TMEM11: variants seen among roughly 807,000 people sequenced by gnomAD.
The protein encoded by TMEM11 is transmembrane protein 11, mitochondrial.
TMEM11 carries 1 observed loss-of-function variant against 17.0 expected under a neutral mutation model. The ratio of observed to expected loss-of-function variants is 0.06; its 90% CI spans 0.02 to 0.28. The LOEUF (loss-of-function observed/expected upper bound fraction) is 0.28. Among genes scored for constraint, TMEM11 ranks in the 10% least tolerant of loss-of-function variants. TMEM11 has a pLI of 1.00. For synonymous variants in TMEM11, 122 were observed against 118.1 expected (o/e 1.03, Z -0.21); for missense variants, 172 against 252.9 (o/e 0.68, Z 2.17).
Position 21,197,960 on chromosome 17 carries a change from T to G in TMEM11, c.*364A>C. ...AAAGAGAGAACAGCGGGAGTTGAAA[T>G]TCTCATAATTTTAATGATCAATAGC... is the stretch of plus-strand genomic sequence containing the variant. On this transcript the variant is annotated 3_prime_UTR_variant, in exon 2 of 2. Coordinates refer to ENST00000317635, the MANE Select transcript of TMEM11 (RefSeq NM_003876.3). The G allele has an allele frequency of 1.2e-5, 2 of 169,178 alleles. No individual in the cohort carries two copies. Among genetic ancestry groups the G allele is most frequent in the Non-Finnish European group, 2.5e-5 (2 of 80,028 alleles). The allele number at this position is 169,178 out of a possible 1,614,324, so 10.5% of individuals were successfully genotyped here. A position where few individuals can be genotyped will look rare whatever the true frequency, so the allele number is the denominator to read the frequency against.
chr17:21,208,934 G>A (rs1597772886), intron 1 of TMEM11, among the ~76,000 whole-genome samples: 1 of 152,340 alleles, frequency 6.6e-6, no homozygotes, highest in South Asian at 2.1e-4. Context: ...TTCACTTAGT[G>A]AAAGGGTCAC....
chr17:21,198,075 C>A lies in TMEM11; in HGVS notation c.*249G>T. 1 of 499,862 alleles carries A rather than the reference C, an allele frequency of 2.0e-6. No individual in the cohort carries two copies. Among genetic ancestry groups the A allele is most frequent in the South Asian group, 3.2e-5 (1 of 31,238 alleles). The allele number at this position is 499,862 out of a possible 1,614,324, so 31.0% of individuals were successfully genotyped here. On this transcript the variant is annotated 3_prime_UTR_variant, in exon 2 of 2. Transcript: ENST00000317635. The surrounding 1 kb of genome is among the most constrained non-coding windows in gnomAD (Gnocchi z 6.5). ...ACACCCCCTCGGCAGCGTCTGCCTC[C>A]ATCAGCATTCCACTGCCCAGTCGGA...
Position 21,214,127 on chromosome 17 carries a change from AGACGCCTCCTTCC to A in TMEM11, c.13_25del (p.Gly5LeufsTer14). ...GCTGCCGCCACTGCTGCCCGGGCCA[AGACGCCTCCTTCC>A]CCAAGCGGCCATCTTGGAGACACTC... is the stretch of plus-strand genomic sequence containing the variant. On this transcript the variant is annotated frameshift_variant, in exon 1 of 2. Coordinates refer to ENST00000317635, the MANE Select transcript of TMEM11 (RefSeq NM_003876.3). LOFTEE classifies it high-confidence loss of function. 1 of 1,612,212 alleles carries A rather than the reference AGACGCCTCCTTCC, an allele frequency of 6.2e-7. No individual in the cohort carries two copies.
Position 21,198,117 on chromosome 17 carries a change from C to T in TMEM11, c.*207G>A, listed in dbSNP as rs554118099. The T allele has an allele frequency of 1.1e-5, 7 of 631,066 alleles. No homozygotes were observed. In the East Asian group the frequency reaches 1.5e-4, roughly 13 times the overall value. 39.1% of individuals were successfully genotyped at this position (631,066 alleles called of 1,614,324 possible). A position where few individuals can be genotyped will look rare whatever the true frequency, so the allele number is the denominator to read the frequency against. On this transcript the variant is annotated 3_prime_UTR_variant, in exon 2 of 2. Transcript: ENST00000317635. The surrounding 1 kb of genome is among the most constrained non-coding windows in gnomAD (Gnocchi z 6.5). ...CCAGTCGGACTTCCACAGCCTCAGA[C>T]CCCCCTCTTGGGTTATGGAAATCCA...
At chr17:21,200,291 G>A (rs1446321819) in intron 1 of TMEM11, among the ~76,000 whole-genome samples, 1 of 152,210 alleles carries the variant, frequency 6.6e-6, no homozygotes, top group African/African-American at 2.4e-5. Context: ...GGCTATCCAT[G>A]CCTTGTCATC....
intron 1 of TMEM11, chr17:21,210,928 A>G (rs1974996253): frequency 7.8e-7 from 1 of 1,281,472 alleles, no homozygotes; most frequent in Non-Finnish European, 1.0e-6. Context: ...GCACACAGCT[A>G]TACTCACATT....
chr17:21,212,881 G>A (rs1156882626), intron 1 of TMEM11, among the ~76,000 whole-genome samples: 2 of 150,350 alleles, frequency 1.3e-5, no homozygotes, highest in Non-Finnish European at 3.0e-5. Context: ...CTAATACCAG[G>A]CGGGAGTTAG....
At chr17:21,207,046 C>A (rs964977911) in intron 1 of TMEM11, among the ~76,000 whole-genome samples, 2 of 152,126 alleles carry the variant, frequency 1.3e-5, no homozygotes, top group Non-Finnish European at 2.9e-5. Context: ...AACCACCAGT[C>A]GGCTTCCCAA....
intron 1 of TMEM11, among the ~76,000 whole-genome samples, chr17:21,212,898 A>G (rs1484583168): frequency 6.6e-6 from 1 of 152,252 alleles, no homozygotes; most frequent in African/African-American, 2.4e-5. Context: ...TTAGAAAAAC[A>G]AAAGTGTGTT....
chr17:21,210,038 C>G (rs1203832478), intron 1 of TMEM11, among the ~76,000 whole-genome samples: 1 of 151,502 alleles, frequency 6.6e-6, no homozygotes, highest in Admixed American at 6.6e-5. Context: ...CCCAACTCCA[C>G]CCCCCGCACC....
chr17:21,204,759 G>A (rs1286126876), intron 1 of TMEM11, among the ~76,000 whole-genome samples: 1 of 152,004 alleles, frequency 6.6e-6, no homozygotes, highest in Non-Finnish European at 1.5e-5. Context: ...GATCACTGTC[G>A]GAAGTGGGTC....
At chr17:21,205,422 G>C (rs1001862959) in intron 1 of TMEM11, among the ~76,000 whole-genome samples, 6 of 152,202 alleles carry the variant, frequency 3.9e-5, no homozygotes, top group Non-Finnish European at 7.4e-5. Context: ...CAGCAAGGGT[G>C]CTGTGGTGCA....
intron 1 of TMEM11, among the ~76,000 whole-genome samples, chr17:21,208,977 G>A (rs1197325072): frequency 6.6e-6 from 1 of 152,226 alleles, no homozygotes; most frequent in Non-Finnish European, 1.5e-5. Context: ...GTGCTGGGCT[G>A]GACCTCCACC....
chr17:21,202,644 C>CGGAT (rs1176348015), intron 1 of TMEM11, among the ~76,000 whole-genome samples: 1 of 151,958 alleles, frequency 6.6e-6, no homozygotes, highest in Non-Finnish European at 1.5e-5. Flanking sequence ...CTTGCTGGGA[C>CGGAT]GGATGGGTGG....
chr17:21,209,952 A>G (rs1597773256), intron 1 of TMEM11, among the ~76,000 whole-genome samples: 1 of 152,162 alleles, frequency 6.6e-6, no homozygotes, highest in Non-Finnish European at 1.5e-5. Flanking sequence ...CTGTGCCCAT[A>G]AAGTGGCTGC....
At chr17:21,199,924 A>G (rs567676484) in intron 1 of TMEM11, among the ~76,000 whole-genome samples, 1 of 152,370 alleles carries the variant, frequency 6.6e-6, no homozygotes, top group African/African-American at 2.4e-5. Context: ...GAGGGGCTTC[A>G]AAACATCCAG....
At chr17:21,212,664 C>T (rs933352577) in intron 1 of TMEM11, among the ~76,000 whole-genome samples, 5 of 152,264 alleles carry the variant, frequency 3.3e-5, no homozygotes, top group African/African-American at 1.2e-4. Context: ...TTAACCTGTG[C>T]TGGCAAGGCT....
At chr17:21,204,758 C>T (rs892166100) in intron 1 of TMEM11, among the ~76,000 whole-genome samples, 6 of 151,948 alleles carry the variant, frequency 3.9e-5, no homozygotes, top group East Asian at 1.9e-4. Context: ...AGATCACTGT[C>T]GGAAGTGGGT....
intron 1 of TMEM11, among the ~76,000 whole-genome samples, chr17:21,203,051 C>T (rs992720720): frequency 1.4e-4 from 22 of 152,218 alleles, no homozygotes; most frequent in African/African-American, 4.6e-4. Flanking sequence ...TCCTGCACAA[C>T]GGCGCTGAGG....
Sources: gnomAD v4.1 joint callset for allele counts (sites outside exome capture counted in the v4.1 genomes callset) on GRCh38, gnomAD v4.1.1 for gene constraint, Gnocchi (gnomAD v3.1) non-coding constraint, MANE v1.5 for transcripts, NCBI Gene and HGNC (gene_info 2026-07-23, HGNC 2026-07-21) for gene names.